EPHB1: variants seen among roughly 807,000 people sequenced by gnomAD.
EPHB1 encodes ephrin type-B receptor 1.
A neutral mutation model predicts 94.4 loss-of-function variants in EPHB1; 30 were observed. The observed-to-expected ratio is 0.32, with a 90% CI of 0.24 to 0.43. The LOEUF (loss-of-function observed/expected upper bound fraction) is 0.43, where lower values mean the gene tolerates loss of function less well. Among genes scored for constraint, EPHB1 ranks in the 20% least tolerant of loss-of-function variants. The probability of loss-of-function intolerance (pLI) is 1.00; values close to 1 mark genes in which losing one functional copy is unlikely to be tolerated. For missense variants in EPHB1, 1,055 were observed against 1,308.3 expected (o/e 0.81, Z 2.99); for synonymous variants, 522 against 489.1 (o/e 1.07, Z -0.89).
intron 9 of EPHB1, among the ~76,000 whole-genome samples, chr3:135,179,508 T>TAG (rs1310315454): frequency 1.3e-5 from 2 of 152,234 alleles, no homozygotes; most frequent in East Asian, 3.8e-4. Flanking sequence ...CCACCACTTT[T>TAG]CTGCTAATGC....
At chr3:134,910,658 G>C (rs1423820390) in intron 1 of EPHB1, among the ~76,000 whole-genome samples, 3 of 152,248 alleles carry the variant, frequency 2.0e-5, no homozygotes, top group South Asian at 2.1e-4. Flanking sequence ...AATGGCAAAA[G>C]GTTCATTCCT....
intron 13 of EPHB1, among the ~76,000 whole-genome samples, chr3:135,243,842 T>A (rs573508150): frequency 6.6e-6 from 1 of 152,318 alleles, no homozygotes; most frequent in Non-Finnish European, 1.5e-5. Flanking sequence ...TGCTTGGATC[T>A]GATTGACAGA....
At chr3:135,252,686 G>A (rs927890812) in intron 15 of EPHB1, among the ~76,000 whole-genome samples, 9 of 141,700 alleles carry the variant, frequency 6.4e-5, no homozygotes, top group African/African-American at 1.5e-4. Context: ...ACGTTTGCAC[G>A]TGTCTTTATA....
intron 1 of EPHB1, among the ~76,000 whole-genome samples, chr3:134,798,672 C>T (rs2035877319): frequency 6.6e-6 from 1 of 152,202 alleles, no homozygotes; most frequent in African/African-American, 2.4e-5. Context: ...TGACAAACAA[C>T]TGCCTCTTCA....
chr3:135,242,260 A>G (rs1346869103), intron 13 of EPHB1, among the ~76,000 whole-genome samples: 1 of 151,894 alleles, frequency 6.6e-6, no homozygotes, highest in Non-Finnish European at 1.5e-5. Context: ...CCTTCCCATC[A>G]CTTTGGGAGG....
At chr3:134,926,092 C>G (rs551995317) in intron 2 of EPHB1, among the ~76,000 whole-genome samples, 15 of 152,202 alleles carry the variant, frequency 9.9e-5, no homozygotes, top group Non-Finnish European at 2.2e-4. Flanking sequence ...TCTCTTGACA[C>G]AGTCCTTTCT....
intron 12 of EPHB1, among the ~76,000 whole-genome samples, chr3:135,233,282 A>G (rs1438090865): frequency 6.6e-6 from 1 of 152,266 alleles, no homozygotes; most frequent in Non-Finnish European, 1.5e-5. Context: ...AAATACACCC[A>G]TTCCAAAGGG....
intron 3 of EPHB1, among the ~76,000 whole-genome samples, chr3:135,097,096 CAAAAA>C (rs1182116389): frequency 1.2e-5 from 1 of 83,514 alleles, no homozygotes; most frequent in Non-Finnish European, 2.1e-5. Flanking sequence ...ACTCTGTCTA[CAAAAA>C]AAAAAAAAAA....
At chr3:135,119,285 C>G (rs1047221133) in intron 4 of EPHB1, among the ~76,000 whole-genome samples, 2 of 152,096 alleles carry the variant, frequency 1.3e-5, no homozygotes, top group Non-Finnish European at 2.9e-5. Flanking sequence ...TCTGTGGATA[C>G]TTGTTTTGTC....
intron 1 of EPHB1, among the ~76,000 whole-genome samples, chr3:134,878,072 G>A (rs1405315658): frequency 1.3e-5 from 2 of 152,232 alleles, no homozygotes; most frequent in Non-Finnish European, 2.9e-5. Flanking sequence ...CCCCCGGAGG[G>A]CAGGCACTGA....
intron 1 of EPHB1, among the ~76,000 whole-genome samples, chr3:134,865,601 ATTAG>A (rs2037357031): frequency 6.6e-6 from 1 of 152,128 alleles, no homozygotes; most frequent in Admixed American, 6.6e-5. Flanking sequence ...TCATTATAGA[ATTAG>A]TTAAATAAAA....
chr3:135,088,486 T>C (rs933876332), intron 3 of EPHB1, among the ~76,000 whole-genome samples: 4 of 152,228 alleles, frequency 2.6e-5, no homozygotes, highest in African/African-American at 9.6e-5. Flanking sequence ...GGGTTTTTTT[T>C]CTCATGTAAA....
intron 3 of EPHB1, among the ~76,000 whole-genome samples, chr3:134,974,115 C>T (rs1324519750): frequency 1.3e-5 from 2 of 152,166 alleles, no homozygotes; most frequent in Non-Finnish European, 2.9e-5. Flanking sequence ...TATCCAGTCA[C>T]AGTGGTCTCT....
At chr3:135,107,225 G>T (rs1299634421) in intron 4 of EPHB1, among the ~76,000 whole-genome samples, 1 of 152,214 alleles carries the variant, frequency 6.6e-6, no homozygotes, top group Non-Finnish European at 1.5e-5. Flanking sequence ...AGGGACCGGA[G>T]CTAATGCATT....
Position 134,941,745 on chromosome 3 carries a change from GCACACAGACA to G in EPHB1, c.124-9619_124-9610del, listed in dbSNP as rs1250597472. Among the ~76,000 whole-genome samples, 80 of 92,692 alleles carry G rather than the reference GCACACAGACA, an allele frequency of 8.6e-4. 1 individual carries two copies. The highest frequency in any genetic ancestry group is 3.9e-3 in the African/African-American group (71 of 18,316). 60.8% of individuals were successfully genotyped at this position (92,692 alleles called of 152,430 possible). On this transcript the variant is annotated intron_variant, in intron 2 of 15. Coordinates refer to ENST00000398015, the MANE Select transcript of EPHB1 (RefSeq NM_004441.5). Reference sequence around the variant, plus strand: ...AGTTTTGATAGCATGCTTTACATATGCACACAGACACACACACACACACACACACACACAC... The same window carrying G: ...AGTTTTGATAGCATGCTTTACATATGCACACACACACACACACACACACAC...
At chr3:135,072,691 T>C (rs374401289) in intron 3 of EPHB1, among the ~76,000 whole-genome samples, 4 of 152,370 alleles carry the variant, frequency 2.6e-5, no homozygotes, top group South Asian at 4.1e-4. Flanking sequence ...TGTGGCTGGC[T>C]CTGACCTTGC....
At position 134,976,557 on chromosome 3, in the gene EPHB1, G is replaced by T. The variant is rs572017507; in HGVS notation, c.805+24505G>T. 3.5e-4 allele frequency among the ~76,000 whole-genome samples: 54 copies of T among 152,252 alleles called. 1 individual carries two copies. In the Middle Eastern group the frequency reaches 0.01, roughly 29 times the overall value. ...ATTCTTGCTCTCCTTTTTATCTAGC[G>T]AGCTTCTCTGGTGTTGCATCTCAGC... On this transcript the variant is annotated intron_variant, in intron 3 of 15. Transcript: ENST00000398015.
chr3:135,144,791 T>C (rs1005127652), intron 5 of EPHB1, among the ~76,000 whole-genome samples: 7 of 152,056 alleles, frequency 4.6e-5, no homozygotes, highest in African/African-American at 1.7e-4. Context: ...CATTCACATC[T>C]AAAATTCAGC....
chr3:135,005,632 C>G (rs1416076095), intron 3 of EPHB1, among the ~76,000 whole-genome samples: 4 of 152,330 alleles, frequency 2.6e-5, no homozygotes, highest in Admixed American at 6.5e-5. Flanking sequence ...TAGGACCCTC[C>G]GAGCCAGGTG....
Sources: allele counts gnomAD v4.1 joint callset (sites outside exome capture counted in the v4.1 genomes callset), GRCh38; gene constraint gnomAD v4.1.1; transcripts MANE v1.5; gene names NCBI Gene and HGNC (gene_info 2026-07-23, HGNC 2026-07-21).